The following TESMIN variants were observed in gnomAD, a reference collection of about 807,000 sequenced individuals.
TESMIN encodes the protein CXC domain containing 2.
A neutral mutation model predicts 47.4 loss-of-function variants in TESMIN; 34 were observed. The ratio of observed to expected loss-of-function variants is 0.72; its 90% CI spans 0.55 to 0.96. The LOEUF (loss-of-function observed/expected upper bound fraction) is 0.96. Among genes scored for constraint, TESMIN ranks in the 40% least tolerant of loss-of-function variants. TESMIN has a pLI of 0.00. For synonymous variants in TESMIN, 278 were observed against 258.9 expected (o/e 1.07, Z -0.71); for missense variants, 610 against 637.2 (o/e 0.96, Z 0.46).
At chr11:68,744,276 G>A (rs1289293032) in intron 4 of TESMIN, among the ~76,000 whole-genome samples, 3 of 152,140 alleles carry the variant, frequency 2.0e-5, no homozygotes, top group Admixed American at 2.0e-4. Flanking sequence ...ATATTCTCTC[G>A]TTAACTCAAG....
chr11:68,724,110 C>T (rs1366300923), intron 6 of TESMIN, among the ~76,000 whole-genome samples: 2 of 152,150 alleles, frequency 1.3e-5, no homozygotes, highest in Non-Finnish European at 2.9e-5. Context: ...AATTACAGGT[C>T]TATCTCACTT....
intron 6 of TESMIN, among the ~76,000 whole-genome samples, chr11:68,722,796 A>C (rs1946217953): frequency 1.3e-5 from 2 of 152,232 alleles, no homozygotes; most frequent in Admixed American, 1.3e-4. Context: ...AAAACAACTG[A>C]AGGCAAAATG....
chr11:68,750,167 C>CCCA, intron 2 of TESMIN, 23 bp downstream of exon 2: 1 of 1,442,060 alleles, frequency 6.9e-7, no homozygotes, highest in Non-Finnish European at 9.1e-7. Flanking sequence ...GGGAGCTGTG[C>CCCA]CCATTCCCCA....
intron 6 of TESMIN, chr11:68,737,641 GC>G (rs1946402473): frequency 1.0e-6 from 1 of 985,760 alleles, no homozygotes; most frequent in Non-Finnish European, 1.2e-6. Context: ...CTGCAGGCAG[GC>G]CGGGCACGCC....
Position 68,750,257 on chromosome 11 carries a change from G to A in TESMIN, c.404C>T (p.Pro135Leu). The part of the protein sequence containing the change: ...LSSLLPAHRS[P>L]AVLPLGAWVL... ...CCAGGCGCCCAGGGGCAACACCGCCGGGCTGCGGTGCGCGGGTAGCAGCGA... is the reference window on the plus strand; with the variant it reads ...CCAGGCGCCCAGGGGCAACACCGCCAGGCTGCGGTGCGCGGGTAGCAGCGA... The change falls in exon 2 of 10, where the codon CCG becomes CTG. Residue 135 changes from proline (P) to leucine (L), a missense_variant. Pro to Leu is a moderately conservative substitution (Grantham distance 98). Coordinates refer to ENST00000255087, the MANE Select transcript of TESMIN (RefSeq NM_004923.3). 6.5e-7 allele frequency: 1 copy of A among 1,543,154 alleles called. No homozygotes were observed. The highest frequency in any genetic ancestry group is 8.7e-7 in the Non-Finnish European group (1 of 1,154,378).
intron 3 of TESMIN, among the ~76,000 whole-genome samples, chr11:68,746,251 T>C (rs1279932991): frequency 6.6e-6 from 1 of 152,166 alleles, no homozygotes; most frequent in Admixed American, 6.5e-5. Context: ...TCCTGGGCCC[T>C]ATCCACATGG....
chr11:68,719,400 A>G (rs989259353), intron 6 of TESMIN, among the ~76,000 whole-genome samples: 2 of 152,182 alleles, frequency 1.3e-5, no homozygotes, highest in African/African-American at 4.8e-5. Flanking sequence ...TGCTAATCTA[A>G]CCAAGTCTAT....
intron 6 of TESMIN, chr11:68,738,303 T>C (rs776433015): frequency 8.3e-5 from 83 of 1,004,216 alleles, no homozygotes; most frequent in Non-Finnish European, 9.5e-5. Context: ...TGGAGGGCAC[T>C]CTGCAGCCCC....
intron 9 of TESMIN, chr11:68,710,657 A>G: frequency 1.9e-6 from 1 of 514,176 alleles, no homozygotes. Flanking sequence ...TGAGAAGACA[A>G]AGAGGACAAA....
At position 68,715,736 on chromosome 11, in the gene TESMIN, G is replaced by A. The variant is rs1467571796; in HGVS notation, c.1020+101C>T. On this transcript the variant is annotated intron_variant, in intron 7 of 9. Coordinates refer to ENST00000255087, the MANE Select transcript of TESMIN (RefSeq NM_004923.3). ...TATTCAATGTAAATTCTTCAAAACT[G>A]TGGGTTTTTTCCAATGAGGAATCTC... The A allele has an allele frequency of 3.6e-5, 30 of 835,822 alleles. No homozygotes were observed. The South Asian group carries it at 5.1e-4, about 14-fold the overall frequency. The allele number at this position is 835,822 out of a possible 1,614,324, so 51.8% of individuals were successfully genotyped here. A position where few individuals can be genotyped will look rare whatever the true frequency, so the allele number is the denominator to read the frequency against.
intron 6 of TESMIN, chr11:68,736,513 C>CA (rs1946388489): frequency 3.0e-6 from 3 of 985,244 alleles, no homozygotes; most frequent in African/African-American, 1.7e-5. Flanking sequence ...TTCTTACCAC[C>CA]AAAAATAAAT....
At chr11:68,738,533 C>T (rs1291297448) in intron 6 of TESMIN, 167 bp downstream of exon 6, 4 of 1,399,084 alleles carry the variant, frequency 2.9e-6, no homozygotes, top group Non-Finnish European at 3.7e-6. Flanking sequence ...AAACCAGACA[C>T]AGACAGCAAC....
chr11:68,736,666 T>G, intron 6 of TESMIN: 1 of 982,746 alleles, frequency 1.0e-6, no homozygotes, highest in Non-Finnish European at 1.2e-6. Context: ...TGGCACACCG[T>G]TTACAATAGA....
intron 6 of TESMIN, among the ~76,000 whole-genome samples, chr11:68,721,598 C>T (rs1412744925): frequency 2.0e-5 from 3 of 152,098 alleles, no homozygotes; most frequent in Admixed American, 1.3e-4. Flanking sequence ...TTCCTGAGAT[C>T]ATGGGCATTC....
intron 6 of TESMIN, among the ~76,000 whole-genome samples, chr11:68,733,463 G>T (rs536643027): frequency 6.6e-6 from 1 of 152,134 alleles, no homozygotes; most frequent in Non-Finnish European, 1.5e-5. Context: ...CCAAAAATTC[G>T]TACCAGCTTC....
chr11:68,711,116 A>G (rs1946060984), intron 8 of TESMIN, 67 bp from the exon 9 acceptor site: 1 of 1,316,008 alleles, frequency 7.6e-7, no homozygotes, highest in African/African-American at 1.5e-5. Context: ...GACAAATTCT[A>G]TTTGGACCTT....
rs1946067510 is a variant in TESMIN at position 68,711,326 on chromosome 11, TGTC to T, written c.1159-280_1159-278del. Among the ~76,000 whole-genome samples, 3 of 151,660 alleles carry T rather than the reference TGTC, an allele frequency of 2.0e-5. No homozygotes were observed. In the South Asian group the frequency reaches 6.3e-4, roughly 32 times the overall value. On this transcript the variant is annotated intron_variant, in intron 8 of 9. Transcript: ENST00000255087. ...TATGAGTGTGTGTGGGGTGTGTGTG[TGTC>T]GAGTGTGCGTGTGTGTGCATGAGTG... is the stretch of plus-strand genomic sequence containing the variant.
chr11:68,708,636 CT>C, intron 9 of TESMIN, 136 bp from the exon 10 acceptor site: 1 of 865,132 alleles, frequency 1.2e-6, no homozygotes, highest in Non-Finnish European at 1.7e-6. Flanking sequence ...CGTTGTCTTC[CT>C]CATACTGGAA....
chr11:68,726,189 G>C (rs1401791669), intron 6 of TESMIN, among the ~76,000 whole-genome samples: 1 of 152,124 alleles, frequency 6.6e-6, no homozygotes, highest in African/African-American at 2.4e-5. Flanking sequence ...GAACTGCGGA[G>C]GGCTCTATCT....
Sources: gnomAD v4.1 joint callset for allele counts (sites outside exome capture counted in the v4.1 genomes callset) on GRCh38, gnomAD v4.1.1 for gene constraint, MANE v1.5 for transcripts, NCBI Gene and HGNC (gene_info 2026-07-23, HGNC 2026-07-21) for gene names.